The following SEC16A variants were observed in gnomAD, a reference collection of about 807,000 sequenced individuals.
The protein encoded by SEC16A is SEC16 homolog A, endoplasmic reticulum export factor, also known as protein transport protein Sec16A.
A neutral mutation model predicts 221.9 loss-of-function variants in SEC16A; 110 were observed. The observed-to-expected ratio is 0.50, with a 90% CI of 0.42 to 0.58. The LOEUF is 0.58. Among genes scored for constraint, SEC16A ranks in the 20% least tolerant of loss-of-function variants. The probability of loss-of-function intolerance (pLI) is 0.00; values close to 1 mark genes in which losing one functional copy is unlikely to be tolerated. For synonymous variants in SEC16A, 1,393 were observed against 1,257.7 expected, an observed-to-expected ratio of 1.11 and a Z score of -2.28; for missense variants, 3,165 against 3,097.8, an observed-to-expected ratio of 1.02 and a Z score of -0.52.
At chr9:136,464,780 G>C (rs1471554639) in intron 8 of SEC16A, among the ~76,000 whole-genome samples, 1 of 152,196 alleles carries the variant, frequency 6.6e-6, no homozygotes, top group Non-Finnish European at 1.5e-5. Flanking sequence ...CATGAAAGCT[G>C]TTCCCTTGTA....
At position 136,447,569 on chromosome 9, in the gene SEC16A, C is replaced by T. The variant is rs763536459; in HGVS notation, c.6559G>A (p.Ala2187Thr). The change falls in exon 26 of 32, where the codon GCA becomes ACA. Residue 2187 changes from alanine (A) to threonine (T), a missense_variant and splice_region_variant. Around this residue, in one of 3 missense-constraint regions of SEC16A, gnomAD observed 1,088 missense variants for 1,089.6 expected, o/e 1.00. Transcript: ENST00000684901. The surrounding 1 kb of genome is among the most constrained non-coding windows in gnomAD (Gnocchi z 5.5). ...APVNMYSRRA[A>T]GTRARYVDVL... is the part of the protein sequence containing the mutation. ...GCTCCCACTCCAAGGCCACCCTTAC[C>T]TGCTCTTCTAGAGTACATGTTCACG... is the stretch of plus-strand genomic sequence containing the variant. The T allele has an allele frequency of 1.9e-6, 3 of 1,610,876 alleles. No individual in the cohort carries two copies. Among genetic ancestry groups the T allele is most frequent in the South Asian group, 2.2e-5 (2 of 91,016 alleles).
intron 30 of SEC16A, among the ~76,000 whole-genome samples, chr9:136,444,667 A>T (rs1588861476): frequency 6.6e-6 from 1 of 152,000 alleles, no homozygotes; most frequent in South Asian, 2.1e-4. Context: ...CGGGCGGATC[A>T]CCTGAGGTTG....
rs1441907486 is a variant in SEC16A at position 136,476,081 on chromosome 9, G to A, written c.1535C>T (p.Thr512Ile). 6.2e-7 allele frequency: 1 copy of A among 1,613,486 alleles called. No homozygotes were observed. The highest frequency in any genetic ancestry group is 1.3e-5 in the African/African-American group (1 of 74,894). The change falls in exon 3 of 32, where the codon ACA (threonine) becomes ATA (isoleucine). Residue 512 changes from threonine (T) to isoleucine (I), a missense_variant. Transcript: ENST00000684901. ...GCTGTCAGGGTGCACTGTATGCAGT[G>A]TGGCATCAGGGGCTCCGGTGTGGCA... The part of the protein sequence containing the change: ...AVCHTGAPDA[T>I]LHTVHPDSVS...
intron 4 of SEC16A, among the ~76,000 whole-genome samples, chr9:136,471,043 G>A (rs1840789001): frequency 6.6e-6 from 1 of 152,066 alleles, no homozygotes; most frequent in Non-Finnish European, 1.5e-5. Context: ...CTAGGGCCCA[G>A]GAGGACTCTG....
chr9:136,447,635 GCA>G lies in SEC16A; in HGVS notation c.6491_6492del (p.Val2164AlafsTer20). 1 of 1,613,794 alleles carries G rather than the reference GCA, an allele frequency of 6.2e-7. No homozygotes were observed. The highest frequency in any genetic ancestry group is 8.5e-7 in the Non-Finnish European group (1 of 1,179,750). ...PPPPTSMPKT[V>X]QAAPPALPGP... is the part of the protein sequence containing the mutation. ...CCTGGGAGGGCAGGCGGGGCAGCTT[GCA>G]CAGTCTTGGGCATCGAGGTTGGAGG... On this transcript the variant is annotated frameshift_variant, in exon 26 of 32. Coordinates refer to ENST00000684901, the MANE Select transcript of SEC16A (RefSeq NM_014866.2). LOFTEE classifies it high-confidence loss of function. This position sits in a 1 kb window ranked among gnomAD's most constrained non-coding sequence, Gnocchi z 5.5.
chr9:136,468,188 G>C (rs1240076314), intron 5 of SEC16A, among the ~76,000 whole-genome samples: 1 of 152,266 alleles, frequency 6.6e-6, no homozygotes, highest in African/African-American at 2.4e-5. Context: ...ATGCACTCAT[G>C]CTAAGATTAA....
upstream of SEC16A, chr9:136,483,712 T>G (rs531257539): frequency 3.0e-6 from 3 of 985,412 alleles, no homozygotes; most frequent in Admixed American, 1.8e-4. Flanking sequence ...GAACGGCTAC[T>G]CCGCCCAGCT....
chr9:136,455,644 C>G lies in SEC16A; in HGVS notation c.5814G>C (p.Pro1938=). 2 of 1,588,896 alleles carry G rather than the reference C, an allele frequency of 1.3e-6. No individual in the cohort carries two copies. The highest frequency in any genetic ancestry group is 1.7e-6 in the Non-Finnish European group (2 of 1,169,020). Residue 1938 remains proline (P), a synonymous_variant, in exon 20 of 32, where the codon CCG becomes CCC. Coordinates refer to ENST00000684901, the MANE Select transcript of SEC16A (RefSeq NM_014866.2). ...IANPLLAVPA[P]SPEHSSPSVR... is the part of the protein sequence containing the mutation. ...CGCTCGGGCTCGAGTGCTCAGGGCTCGGTGCAGGCACCGCCAGCAGAGGGT... is the reference window on the plus strand; with the variant it reads ...CGCTCGGGCTCGAGTGCTCAGGGCTGGGTGCAGGCACCGCCAGCAGAGGGT...
intron 21 of SEC16A, 54 bp from the exon 22 acceptor site, chr9:136,453,564 G>T: frequency 6.9e-7 from 1 of 1,440,518 alleles, no homozygotes; most frequent in Non-Finnish European, 9.7e-7. Flanking sequence ...GGCGGGACGT[G>T]TGTGTGGCGC....
At chr9:136,484,538 C>T (rs1842760598), upstream of SEC16A, 4 of 1,294,238 alleles carry the variant, frequency 3.1e-6, no homozygotes, top group African/African-American at 3.0e-5. Context: ...GGGCAGGCGC[C>T]GTGGTGGGGG....
chr9:136,484,001 C>G (rs552758459), upstream of SEC16A: 893 of 181,614 alleles, frequency 4.9e-3, 7 homozygotes, highest in African/African-American at 0.02. Context: ...CACAGAGGCC[C>G]GGGCAGGGAG....
rs897227212 is a variant in SEC16A, at chr9:136,455,352, C to T, written c.5857+249G>A. On this transcript the variant is annotated intron_variant, in intron 20 of 31. Transcript: ENST00000684901. Reference sequence around the variant, plus strand: ...AGGCAGCGGGCGCTCAGGGCAGTGTCGCCAGCACATGGATATTTATGGACA... The same window carrying T: ...AGGCAGCGGGCGCTCAGGGCAGTGTTGCCAGCACATGGATATTTATGGACA... Among the ~76,000 whole-genome samples, 9 of 152,240 alleles carry T rather than the reference C, an allele frequency of 5.9e-5. No homozygotes were observed. The East Asian group carries it at 7.7e-4, about 13-fold the overall frequency.
intron 1 of SEC16A, among the ~76,000 whole-genome samples, chr9:136,481,129 CTTTTTTTTTTTTT>C (rs1000992506): frequency 4.5e-5 from 4 of 87,988 alleles, no homozygotes; most frequent in Non-Finnish European, 8.5e-5. Flanking sequence ...GAATTTTATT[CTTTTTTTTTTTTT>C]TTTTTTTTTT....
rs1335246859 is a variant in SEC16A at position 136,474,186 on chromosome 9, C to T, written c.3430G>A (p.Val1144Met). The T allele has an allele frequency of 6.2e-7, 1 of 1,612,702 alleles. No homozygotes were observed. The change falls in exon 3 of 32, where the codon GTG (valine) becomes ATG (methionine). Residue 1144 changes from valine (V) to methionine (M), a missense_variant. By Grantham distance (21) the Val-to-Met change is conservative (BLOSUM62 1). This residue lies in a region of SEC16A where 2,030 missense variants were observed against 1,923.1 expected (regional missense o/e 1.06). Transcript: ENST00000684901. The stretch of plus-strand genomic sequence containing the variant: ...GGTGGGCCGGGGGCAAGTGCAGGCA[C>T]TGGCTGTGGCCACGGCTGCTCTGAC... ...VPSEQPWPQP[V>M]PALAPGPPPQ...
chr9:136,470,416 C>T (rs745859493), intron 4 of SEC16A, among the ~76,000 whole-genome samples: 1 of 152,238 alleles, frequency 6.6e-6, no homozygotes, highest in Non-Finnish European at 1.5e-5. Context: ...TGCTCCCTGG[C>T]TGTCTCTCCT....
chr9:136,462,609 G>A (rs761926786), intron 12 of SEC16A, among the ~76,000 whole-genome samples: 8 of 152,218 alleles, frequency 5.3e-5, no homozygotes, highest in Admixed American at 2.0e-4. Flanking sequence ...GCAGGGGCAC[G>A]GCCTGTGCTC....
In SEC16A at chr9:136,466,948, T is replaced by G. The variant is rs1378885879; in HGVS notation, c.3929+9A>C. On this transcript the variant is annotated intron_variant, in intron 6 of 31. Coordinates refer to ENST00000684901, the MANE Select transcript of SEC16A (RefSeq NM_014866.2). This position sits in a 1 kb window ranked among gnomAD's most constrained non-coding sequence, Gnocchi z 5.5. ...CCAGCCTCTGCCTCCCCAGGGGTGC[T>G]CCACCAACCTGTCCCCGAAGGCAGA... 1 of 1,610,754 alleles carries G rather than the reference T, an allele frequency of 6.2e-7. No individual in the cohort carries two copies. Among genetic ancestry groups the G allele is most frequent in the Non-Finnish European group, 8.5e-7 (1 of 1,178,764 alleles).
Position 136,453,503 on chromosome 9 carries a change from C to T in SEC16A, c.6084G>A (p.Val2028=). 1 of 1,612,484 alleles carries T rather than the reference C, an allele frequency of 6.2e-7. No individual in the cohort carries two copies. The highest frequency in any genetic ancestry group is 8.5e-7 in the Non-Finnish European group (1 of 1,178,620). Residue 2028 remains valine (V), a synonymous_variant, in exon 22 of 32, where the codon GTG becomes GTA. Transcript: ENST00000684901. ...AGTTTCCAACAGGCGCCTCCTGCGG[C>T]ACTATCCCTGTCAACGGGAAAGAGA... is the stretch of plus-strand genomic sequence containing the variant. The part of the protein sequence containing the change: ...QEARSPDPGI[V]PQEAPVGNSL...
chr9:136,473,972 G>T, intron 3 of SEC16A, 77 bp downstream of exon 3: 1 of 1,454,938 alleles, frequency 6.9e-7, no homozygotes, highest in South Asian at 1.3e-5. Context: ...ACACTACTAA[G>T]GAATACACTG....
Sources: allele counts gnomAD v4.1 joint callset (sites outside exome capture counted in the v4.1 genomes callset), GRCh38; gene constraint gnomAD v4.1.1; regional missense constraint gnomAD v4.1.1; non-coding constraint Gnocchi (gnomAD v3.1); transcripts MANE v1.5; gene names NCBI Gene and HGNC (gene_info 2026-07-23, HGNC 2026-07-21).